Variants in MYO5C observed in about 807,000 individuals in gnomAD.
MYO5C encodes the protein myosin VC.
A neutral mutation model predicts 235.7 loss-of-function variants in MYO5C; 194 were observed. The observed-to-expected ratio is 0.82, with a 90% CI of 0.73 to 0.93. The LOEUF (loss-of-function observed/expected upper bound fraction) is 0.93, where lower values mean the gene tolerates loss of function less well. Among genes scored for constraint, MYO5C ranks in the 40% least tolerant of loss-of-function variants. The pLI is 0.00. For missense variants in MYO5C, 2,038 were observed against 2,127.2 expected (o/e 0.96, Z 0.82); for synonymous variants, 707 against 754.8 (o/e 0.94, Z 1.04).
intron 11 of MYO5C, among the ~76,000 whole-genome samples, chr15:52,255,798 C>T (rs547922334): frequency 6.6e-6 from 1 of 152,290 alleles, no homozygotes; most frequent in African/African-American, 2.4e-5. Flanking sequence ...TTTTATTCAT[C>T]TTTCTACCTC....
chr15:52,245,476 A>G lies in MYO5C; in HGVS notation c.2067-11T>C. 1 of 1,579,596 alleles carries G rather than the reference A, an allele frequency of 6.3e-7. No homozygotes were observed. The highest frequency in any genetic ancestry group is 1.3e-5 in the African/African-American group (1 of 74,330). Reference sequence around the variant, plus strand: ...TCGATGTATGTCCACCTGGAAAATCAAAGGGGATCAAAGCCAGGAGTGTCA... The same window carrying G: ...TCGATGTATGTCCACCTGGAAAATCGAAGGGGATCAAAGCCAGGAGTGTCA... On this transcript the variant is annotated splice_polypyrimidine_tract_variant and intron_variant, in intron 17 of 40. Coordinates refer to ENST00000261839, the MANE Select transcript of MYO5C (RefSeq NM_018728.4).
chr15:52,265,728 G>A (rs1201321710), intron 8 of MYO5C, among the ~76,000 whole-genome samples: 3 of 151,968 alleles, frequency 2.0e-5, no homozygotes, highest in Non-Finnish European at 4.4e-5. Context: ...ATGGGGTTTT[G>A]CCATGTTGCC....
intron 19 of MYO5C, among the ~76,000 whole-genome samples, chr15:52,243,857 C>G (rs2036277976): frequency 6.6e-6 from 1 of 152,200 alleles, no homozygotes; most frequent in African/African-American, 2.4e-5. Context: ...CTTGGCTTGG[C>G]TGGGGCTGCT....
intron 4 of MYO5C, among the ~76,000 whole-genome samples, chr15:52,277,652 C>A (rs1373233531): frequency 6.6e-6 from 1 of 152,050 alleles, no homozygotes; most frequent in Non-Finnish European, 1.5e-5. Flanking sequence ...AGGGCCATAC[C>A]CTTCCCCTCA....
intron 22 of MYO5C, 86 bp downstream of exon 22, chr15:52,237,396 C>A (rs1331565329): frequency 6.7e-7 from 1 of 1,486,670 alleles, no homozygotes. Context: ...CTGCAGAAAT[C>A]CACTTCATAG....
At chr15:52,206,136 T>G (rs1411493626) in intron 36 of MYO5C, among the ~76,000 whole-genome samples, 170 bp from the exon 37 acceptor site, 1 of 152,206 alleles carries the variant, frequency 6.6e-6, no homozygotes, top group Non-Finnish European at 1.5e-5. Context: ...TGCACTGATT[T>G]CCTGTATGAT....
intron 39 of MYO5C, 110 bp from the exon 40 acceptor site, chr15:52,195,567 G>T: frequency 1.5e-6 from 1 of 659,554 alleles, no homozygotes; most frequent in Non-Finnish European, 2.4e-6. Flanking sequence ...GGTTCTTTTA[G>T]CCTATAATTT....
Position 52,208,630 on chromosome 15 carries a change from T to C in MYO5C, c.4310A>G (p.Asp1437Gly). The change falls in exon 36 of 41, where the codon GAC (aspartate) becomes GGC (glycine). Residue 1437 changes from aspartate to glycine, a missense_variant. Asp to Gly is a moderately conservative substitution (Grantham distance 94). Transcript: ENST00000261839. ...AAGCCAAAAGGACAGCATTTCAAAGTCTTCTAAATGTTCCTTAGGAAAATA... is the reference window on the plus strand; with the variant it reads ...AAGCCAAAAGGACAGCATTTCAAAGCCTTCTAAATGTTCCTTAGGAAAATA... ...IKQVVKEHLE[D>G]FEMLSFWLSN... 6.2e-7 allele frequency: 1 copy of C among 1,614,084 alleles called. No individual in the cohort carries two copies. Among genetic ancestry groups the C allele is most frequent in the Non-Finnish European group, 8.5e-7 (1 of 1,179,924 alleles).
chr15:52,196,184 T>C (rs1183306307), intron 39 of MYO5C, 125 bp downstream of exon 39: 9 of 790,374 alleles, frequency 1.1e-5, no homozygotes, highest in African/African-American at 3.5e-5. Flanking sequence ...CCATGGGTGA[T>C]AGGTATGCTC....
At chr15:52,264,738 G>T (rs1490578127) in intron 8 of MYO5C, among the ~76,000 whole-genome samples, 1 of 152,186 alleles carries the variant, frequency 6.6e-6, no homozygotes, top group Non-Finnish European at 1.5e-5. Flanking sequence ...AGGGGACTTG[G>T]TATAAACCAA....
At position 52,205,918 on chromosome 15, in the gene MYO5C, T is replaced by C. The variant is rs2035302230; in HGVS notation, c.4435A>G (p.Asn1479Asp). Residue 1479 changes from asparagine (N) to aspartate (D), a missense_variant, in exon 37 of 41, where the codon AAT becomes GAT. Physicochemically the swap from Asn to Asp is conservative, Grantham distance 23. Transcript: ENST00000261839. ...TGTCTGTATTCTGAAAGGTCAAAAT[T>C]GTTCAAGCAATTCTTATTCTGCTGT... ...SPQQNKNCLN[N>D]FDLSEYRQIL... The C allele has an allele frequency of 6.3e-7, 1 of 1,598,860 alleles. No homozygotes were observed.
intron 1 of MYO5C, 126 bp from the exon 2 acceptor site, chr15:52,283,018 T>C: frequency 1.5e-6 from 1 of 669,882 alleles, no homozygotes; most frequent in South Asian, 1.7e-5. Flanking sequence ...TACGTCTACC[T>C]AATTTTGCTT....
chr15:52,242,371 T>A, intron 19 of MYO5C, 158 bp from the exon 20 acceptor site: 1 of 747,866 alleles, frequency 1.3e-6, no homozygotes, highest in Non-Finnish European at 2.2e-6. Flanking sequence ...AATGCCTACT[T>A]GAGGCCAGTC....
intron 21 of MYO5C, 42 bp from the exon 22 acceptor site, chr15:52,237,688 C>A: frequency 6.4e-7 from 1 of 1,573,094 alleles, no homozygotes; most frequent in Middle Eastern, 1.7e-4. Flanking sequence ...TTAATCCAAA[C>A]AAAGATGCTG....
At chr15:52,272,980 T>G (rs2036959143) in intron 5 of MYO5C, among the ~76,000 whole-genome samples, 1 of 152,188 alleles carries the variant, frequency 6.6e-6, no homozygotes, top group African/African-American at 2.4e-5. Context: ...TTCTGATGTT[T>G]CAGGGTCCTG....
At chr15:52,197,065 T>C (rs2035069919) in intron 38 of MYO5C, among the ~76,000 whole-genome samples, 1 of 152,214 alleles carries the variant, frequency 6.6e-6, no homozygotes, top group South Asian at 2.1e-4. Context: ...ACAGCTGTTG[T>C]GGAAGACAGT....
At chr15:52,200,527 T>C (rs2035163481) in intron 38 of MYO5C, among the ~76,000 whole-genome samples, 1 of 152,002 alleles carries the variant, frequency 6.6e-6, no homozygotes, top group East Asian at 1.9e-4. Flanking sequence ...ATTGTGCTGC[T>C]GCACTCAAGC....
At chr15:52,203,001 A>G (rs995194466) in intron 38 of MYO5C, among the ~76,000 whole-genome samples, 13 of 151,590 alleles carry the variant, frequency 8.6e-5, no homozygotes, top group Non-Finnish European at 1.6e-4. Flanking sequence ...GCTCACTGCA[A>G]CGTCTGCCTC....
intron 1 of MYO5C, among the ~76,000 whole-genome samples, chr15:52,284,402 G>A (rs2037219953): frequency 6.6e-6 from 1 of 152,052 alleles, no homozygotes; most frequent in Non-Finnish European, 1.5e-5. Flanking sequence ...ACTAAAGCAT[G>A]CTGGGAAAAA....
Sources: allele counts gnomAD v4.1 joint callset (sites outside exome capture counted in the v4.1 genomes callset), GRCh38; gene constraint gnomAD v4.1.1; transcripts MANE v1.5; gene names NCBI Gene and HGNC (gene_info 2026-07-23, HGNC 2026-07-21).